Variants in AANAT observed in about 807,000 individuals in gnomAD.
The protein encoded by AANAT is serotonin N-acetyltransferase.
A neutral mutation model predicts 15.6 loss-of-function variants in AANAT; 11 were observed. The ratio of observed to expected loss-of-function variants is 0.71; its 90% confidence interval spans 0.44 to 1.17. AANAT has a LOEUF of 1.17. Ranked by LOEUF, AANAT falls within the 50% of genes most tolerant of loss-of-function variation. The probability of loss-of-function intolerance (pLI) is 0.00; values close to 1 mark genes in which losing one functional copy is unlikely to be tolerated. For missense variants in AANAT, 286 were observed against 296.3 expected (o/e 0.97, Z 0.26); for synonymous variants, 139 against 131.5 (o/e 1.06, Z -0.39).
chr17:76,465,218 C>T (rs939294289), upstream of AANAT, among the ~76,000 whole-genome samples: 13 of 152,166 alleles, frequency 8.5e-5, no homozygotes, highest in South Asian at 1.9e-3. Context: ...TCACCAGAGG[C>T]GTTGCCAGCA....
chr17:76,469,018 G>T lies in AANAT; in HGVS notation c.163+109G>T. The T allele has an allele frequency of 6.7e-7, 1 of 1,483,854 alleles. No homozygotes were observed. The highest frequency in any genetic ancestry group is 1.2e-5 in the South Asian group (1 of 80,486). 91.9% of individuals were successfully genotyped at this position (1,483,854 alleles called of 1,614,324 possible). A position where few individuals can be genotyped will look rare whatever the true frequency, so the allele number is the denominator to read the frequency against. On this transcript the variant is annotated intron_variant, in intron 2 of 3. Coordinates refer to ENST00000392492, the MANE Select transcript of AANAT (RefSeq NM_001088.3). The surrounding 1 kb of genome is among the most constrained non-coding windows in gnomAD (Gnocchi z 5.2). The stretch of plus-strand genomic sequence containing the variant: ...TTGGAGGCTGGGTCCCAGAGTATCA[G>T]ACCATGTGTGCGCTCAAGAAAGTGG...
chr17:76,468,524 C>T (rs1040420212), intron 1 of AANAT, 148 bp from the exon 2 acceptor site: 40 of 678,436 alleles, frequency 5.9e-5, no homozygotes, highest in Non-Finnish European at 9.3e-5. Flanking sequence ...GTAACAGCCT[C>T]GGGGACCAGG....
At chr17:76,454,322 G>GAA (rs67911712) in intron 1 of AANAT, among the ~76,000 whole-genome samples, 1,693 of 139,304 alleles carry the variant, frequency 0.012, 20 homozygotes, top group African/African-American at 0.035. Flanking sequence ...TAAAAATACG[G>GAA]AAAAAAAAAA....
chr17:76,454,713 C>T (rs1403188095), intron 1 of AANAT, among the ~76,000 whole-genome samples: 1 of 151,998 alleles, frequency 6.6e-6, no homozygotes. Context: ...GTCCCAGCTA[C>T]TTGGGAGGCT....
upstream of AANAT, chr17:76,465,910 T>G: frequency 2.2e-6 from 1 of 463,942 alleles, no homozygotes. Flanking sequence ...CAGGCTGGAG[T>G]GCAGTGGCGA....
chr17:76,466,893 C>T (rs57197997), upstream of AANAT, among the ~76,000 whole-genome samples: 5,519 of 152,222 alleles, frequency 0.036, 101 homozygotes, highest in Non-Finnish European at 0.046. Context: ...TGCAGGGGGT[C>T]AAAAGAGTGC....
At chr17:76,459,569 C>T (rs1448056756) in intron 2 of AANAT, among the ~76,000 whole-genome samples, 6 of 152,152 alleles carry the variant, frequency 3.9e-5, no homozygotes, top group African/African-American at 7.2e-5. Flanking sequence ...GCTGCCCCAC[C>T]AGGGGGGCAG....
intron 1 of AANAT, among the ~76,000 whole-genome samples, chr17:76,455,359 G>A (rs770557287): frequency 3.3e-5 from 5 of 152,084 alleles, no homozygotes; most frequent in Non-Finnish European, 7.4e-5. Flanking sequence ...GCTGAGACAC[G>A]AGAACCACTT....
chr17:76,468,478 A>C, intron 1 of AANAT, 194 bp from the exon 2 acceptor site: 1 of 587,832 alleles, frequency 1.7e-6, no homozygotes, highest in Non-Finnish European at 3.0e-6. Context: ...CTGAGAGGGA[A>C]AGGTGGGGAG....
chr17:76,469,872 G>C lies in AANAT; in HGVS notation c.526G>C (p.Val176Leu). Residue 176 changes from valine to leucine, a missense_variant, in exon 4 of 4, where the codon GTG becomes CTG. Transcript: ENST00000392492. The surrounding 1 kb of genome is among the most constrained non-coding windows in gnomAD (Gnocchi z 5.2). ...PFYERFSFHA[V>L]GPCAITVGSL... The stretch of plus-strand genomic sequence containing the variant: ...CTATGAGAGGTTCAGCTTCCACGCC[G>C]TGGGCCCCTGCGCCATCACCGTGGG... The C allele has an allele frequency of 1.9e-6, 3 of 1,590,778 alleles. No homozygotes were observed. The highest frequency in any genetic ancestry group is 2.6e-6 in the Non-Finnish European group (3 of 1,170,094).
At chr17:76,454,019 C>G (rs2073311007) in intron 1 of AANAT, among the ~76,000 whole-genome samples, 1 of 152,194 alleles carries the variant, frequency 6.6e-6, no homozygotes, top group East Asian at 1.9e-4. Flanking sequence ...AATAGCAATA[C>G]TCATCTCATT....
At chr17:76,455,814 G>A (rs1176408999) in intron 1 of AANAT, among the ~76,000 whole-genome samples, 3 of 152,014 alleles carry the variant, frequency 2.0e-5, no homozygotes, top group Non-Finnish European at 2.9e-5. Flanking sequence ...AGGAGTTCAA[G>A]AGCACCCTGG....
intron 1 of AANAT, among the ~76,000 whole-genome samples, chr17:76,455,801 G>C (rs34307111): frequency 6.6e-6 from 1 of 151,830 alleles, no homozygotes; most frequent in Non-Finnish European, 1.5e-5. Flanking sequence ...ATCATTTGAA[G>C]TCAGGAGTTC....
At chr17:76,456,106 C>T (rs944749323) in intron 1 of AANAT, among the ~76,000 whole-genome samples, 21 of 151,984 alleles carry the variant, frequency 1.4e-4, no homozygotes, top group African/African-American at 4.3e-4. Flanking sequence ...CTGAGGCAGG[C>T]GGATCACTTG....
At chr17:76,457,331 C>T (rs528954214) in intron 1 of AANAT, among the ~76,000 whole-genome samples, 4 of 152,154 alleles carry the variant, frequency 2.6e-5, no homozygotes, top group Admixed American at 6.6e-5. Context: ...CATAAGCCAC[C>T]GCACCCGGCC....
At chr17:76,457,191 C>G (rs1302564322) in intron 1 of AANAT, among the ~76,000 whole-genome samples, 2 of 152,116 alleles carry the variant, frequency 1.3e-5, no homozygotes, top group African/African-American at 2.4e-5. Flanking sequence ...TACAGGCGCC[C>G]ACCACCACGG....
chr17:76,469,319 C>T lies in AANAT; in HGVS notation c.310C>T (p.Leu104Phe), dbSNP rs2073485041. The T allele has an allele frequency of 1.9e-6, 3 of 1,613,880 alleles. No homozygotes were observed. The highest frequency in any genetic ancestry group is 1.3e-5 in the African/African-American group (1 of 74,944). Residue 104 changes from leucine (L) to phenylalanine (F), a missense_variant, in exon 3 of 4, where the codon CTC becomes TTC. Transcript: ENST00000392492. This position sits in a 1 kb window ranked among gnomAD's most constrained non-coding sequence, Gnocchi z 5.2. ...CGGCTCGCTCTGGGACAAGGAGAGA[C>T]TCATGCAGGTGAGGACAGGGCTGCG... ...IIGSLWDKER[L>F]MQESLTLHRS...
intron 1 of AANAT, 64 bp downstream of exon 1, chr17:76,467,791 T>A: frequency 2.1e-5 from 20 of 931,178 alleles, no homozygotes; most frequent in Non-Finnish European, 2.3e-5. Flanking sequence ...ACTTGGAGCT[T>A]CTAGACATGG....
chr17:76,455,198 T>A (rs2073332377), intron 1 of AANAT, among the ~76,000 whole-genome samples: 1 of 152,056 alleles, frequency 6.6e-6, no homozygotes, highest in Non-Finnish European at 1.5e-5. Context: ...GCGCCTGAAA[T>A]CCCAACACTT....
Sources: allele counts gnomAD v4.1 joint callset (sites outside exome capture counted in the v4.1 genomes callset), GRCh38; gene constraint gnomAD v4.1.1; non-coding constraint Gnocchi (gnomAD v3.1); transcripts MANE v1.5; gene names NCBI Gene and HGNC (gene_info 2026-07-23, HGNC 2026-07-21).